Variants in LARGE1 observed in about 807,000 individuals in gnomAD.
LARGE1 encodes the protein xylosyl- and glucuronyltransferase LARGE1.
Under a neutral mutation model 87.6 loss-of-function variants are expected in LARGE1, and 43 were observed. The observed-to-expected ratio is 0.49, with a 90% confidence interval of 0.38 to 0.63. LARGE1 has a LOEUF of 0.63. LARGE1 is among the 30% of genes least tolerant of loss of function. The pLI, the probability that LARGE1 is intolerant of heterozygous loss-of-function variation, is 0.00. For missense variants in LARGE1, 802 were observed against 1,000.2 expected, an observed-to-expected ratio of 0.80 and a Z score of 2.67; for synonymous variants, 434 against 394.6, an observed-to-expected ratio of 1.10 and a Z score of -1.18.
At chr22:33,860,349 A>G (rs188419096) in intron 1 of LARGE1, among the ~76,000 whole-genome samples, 1 of 152,286 alleles carries the variant, frequency 6.6e-6, no homozygotes, top group Admixed American at 6.5e-5. Flanking sequence ...TTGAAATAAG[A>G]CTTAAATAAA....
At chr22:33,120,045 ACATGAG>A in the LARGE1 span, among the ~76,000 whole-genome samples, 1 of 151,990 alleles carries the variant, frequency 6.6e-6, no homozygotes, top group African/African-American at 2.4e-5. Flanking sequence ...TCATATGGCC[ACATGAG>A]CATGGTGTAC....
chr22:33,686,145 A>G (rs2081936508), intron 2 of LARGE1, among the ~76,000 whole-genome samples: 2 of 152,174 alleles, frequency 1.3e-5, no homozygotes, highest in Admixed American at 6.5e-5. Context: ...AAGCTAACCC[A>G]TCTAGAGATA....
chr22:33,631,862 T>C (rs1243857535), intron 3 of LARGE1, among the ~76,000 whole-genome samples: 1 of 152,202 alleles, frequency 6.6e-6, no homozygotes, highest in Non-Finnish European at 1.5e-5. Context: ...ACATGAGCGA[T>C]GTGTTGCACA....
intron 6 of LARGE1, among the ~76,000 whole-genome samples, chr22:33,535,256 C>A (rs867801585): frequency 6.6e-6 from 1 of 152,112 alleles, no homozygotes; most frequent in Non-Finnish European, 1.5e-5. Context: ...GAGAAAACCT[C>A]CAGCAGGCCA....
Position 33,402,227 on chromosome 22 carries a change from G to A in LARGE1, c.893-17923C>T, listed in dbSNP as rs1227110811. On this transcript the variant is annotated intron_variant, in intron 7 of 14. Transcript: ENST00000397394. ...ATTGGCTTTGGTAGGTCTGCTGTGT[G>A]ATGAATGAAAGAGCCATATCCCAGA... 1.3e-5 allele frequency among the ~76,000 whole-genome samples: 2 copies of A among 152,142 alleles called. 1 individual carries two copies. The highest frequency in any genetic ancestry group is 3.9e-4 in the East Asian group (2 of 5,194).
chr22:33,339,730 G>T (rs1938932569), intron 9 of LARGE1, among the ~76,000 whole-genome samples: 1 of 152,172 alleles, frequency 6.6e-6, no homozygotes, highest in South Asian at 2.1e-4. Flanking sequence ...ATAACAAAGT[G>T]CACTCTTGGC....
chr22:33,370,091 G>A (rs1016427040), intron 9 of LARGE1, among the ~76,000 whole-genome samples: 2 of 152,144 alleles, frequency 1.3e-5, no homozygotes, highest in African/African-American at 2.4e-5. Context: ...TAACTAAGGG[G>A]ACTGATAGCC....
At chr22:33,281,011 T>G (rs1192313163) in intron 13 of LARGE1, among the ~76,000 whole-genome samples, 1 of 152,164 alleles carries the variant, frequency 6.6e-6, no homozygotes, top group East Asian at 1.9e-4. Context: ...TGTGGATGTT[T>G]TCTCATTCCA....
At chr22:33,891,373 T>C (rs1220973864) in intron 1 of LARGE1, among the ~76,000 whole-genome samples, 2 of 152,238 alleles carry the variant, frequency 1.3e-5, no homozygotes, top group Non-Finnish European at 2.9e-5. Context: ...TTATTCACTT[T>C]TTGTTGAACA....
chr22:33,214,546 C>T (rs1298712883), intron 11 of LARGE1, among the ~76,000 whole-genome samples: 2 of 152,106 alleles, frequency 1.3e-5, no homozygotes, highest in Admixed American at 6.5e-5. Context: ...GTCATTTAAG[C>T]AGCCCTTCTG....
intron 9 of LARGE1, among the ~76,000 whole-genome samples, chr22:33,374,632 C>G (rs909893574): frequency 1.3e-5 from 2 of 152,118 alleles, no homozygotes; most frequent in African/African-American, 2.4e-5. Context: ...TGGAGAGTCT[C>G]AAAGAATGTA....
chr22:33,873,659 A>G (rs1324528282), intron 1 of LARGE1, among the ~76,000 whole-genome samples: 5 of 152,118 alleles, frequency 3.3e-5, no homozygotes, highest in Admixed American at 6.5e-5. Flanking sequence ...TTACCCATCC[A>G]AAACACCCCA....
intron 9 of LARGE1, among the ~76,000 whole-genome samples, chr22:33,376,112 C>T (rs1261425711): frequency 6.6e-6 from 1 of 151,956 alleles, no homozygotes; most frequent in Non-Finnish European, 1.5e-5. Context: ...TTGGCCATTT[C>T]CAAGAAACAC....
chr22:33,578,357 T>C (rs1331726644), intron 5 of LARGE1, among the ~76,000 whole-genome samples: 1 of 152,190 alleles, frequency 6.6e-6, no homozygotes, highest in Non-Finnish European at 1.5e-5. Context: ...CTAAATCCCC[T>C]TTAAAAAAAT....
In LARGE1 at chr22:33,272,937, G is replaced by GA. The variant is rs35304393; in HGVS notation, c.*1489dup. On this transcript the variant is annotated 3_prime_UTR_variant, in exon 15 of 15. Coordinates refer to ENST00000397394, the MANE Select transcript of LARGE1 (RefSeq NM_133642.5). ...TGGGATCTAACTTCAGGCAAAAGGGGAAAAAAAAGGCTAAAGTTCAAATGA... is the reference window on the plus strand; with the variant it reads ...TGGGATCTAACTTCAGGCAAAAGGGGAAAAAAAAAGGCTAAAGTTCAAATGA... 0.047 allele frequency: 7,234 copies of GA among 152,756 alleles called. 231 individuals are homozygous for GA. The highest frequency in any genetic ancestry group is 0.091 in the Middle Eastern group (27 of 296). The allele number at this position is 152,756 out of a possible 1,614,324, so 9.5% of individuals were successfully genotyped here.
At chr22:33,325,696 G>A (rs1329787474) in intron 10 of LARGE1, among the ~76,000 whole-genome samples, 2 of 152,174 alleles carry the variant, frequency 1.3e-5, no homozygotes, top group Non-Finnish European at 2.9e-5. Context: ...GGGAGGCCCC[G>A]TTTCTTCCTT....
Position 33,264,994 on chromosome 22 carries a change from A to G in LARGE1, c.1730+39235T>C, listed in dbSNP as rs148433137. Among the ~76,000 whole-genome samples the G allele has an allele frequency of 4.2e-3, 555 of 132,812 alleles. 2 individuals carry two copies. Among genetic ancestry groups the G allele is most frequent in the African/African-American group, 0.015 (531 of 35,564 alleles). The allele number at this position is 132,812 out of a possible 152,430, so 87.1% of individuals were successfully genotyped here. On this transcript the variant is annotated intron_variant, in intron 11 of 11. Transcript: ENST00000608642. ...GGGCTCACTTCAACCTCTGCTTCCC[A>G]GGTTCAAGTGATTCTCCTGCTTCAG...
chr22:33,583,592 G>A (rs373159732), intron 5 of LARGE1, among the ~76,000 whole-genome samples: 1 of 152,246 alleles, frequency 6.6e-6, no homozygotes, highest in African/African-American at 2.4e-5. Context: ...ATTTAACAAC[G>A]CCTATCCCAT....
chr22:33,317,895 T>A (rs1936328733), intron 10 of LARGE1, among the ~76,000 whole-genome samples: 1 of 151,866 alleles, frequency 6.6e-6, no homozygotes, highest in Non-Finnish European at 1.5e-5. Flanking sequence ...GAGCGATGGG[T>A]ACATGGATGT....
Sources: gnomAD v4.1 joint callset for allele counts (sites outside exome capture counted in the v4.1 genomes callset) on GRCh38, gnomAD v4.1.1 for gene constraint, MANE v1.5 for transcripts, NCBI Gene and HGNC (gene_info 2026-07-23, HGNC 2026-07-21) for gene names.